The following PLXDC2 variants were observed in gnomAD, a reference collection of about 807,000 sequenced individuals.
PLXDC2 encodes plexin domain containing 2.
In PLXDC2, 40 loss-of-function variants were observed where a neutral mutation model predicts 68.9. The ratio of observed to expected loss-of-function variants is 0.58; its 90% CI spans 0.45 to 0.76. The LOEUF is 0.76. Ranked by LOEUF, PLXDC2 falls within the 30% of genes least tolerant of loss-of-function variation. The probability of loss-of-function intolerance (pLI) is 0.00; values close to 1 mark genes in which losing one functional copy is unlikely to be tolerated. For missense variants in PLXDC2, 644 were observed against 661.9 expected (o/e 0.97, Z 0.30); for synonymous variants, 243 against 234.2 (o/e 1.04, Z -0.34).
At chr10:19,976,825 A>AT (rs917617709) in intron 1 of PLXDC2, among the ~76,000 whole-genome samples, 36 of 121,568 alleles carry the variant, frequency 3.0e-4, no homozygotes, top group Middle Eastern at 4.8e-3. Context: ...ACTCTCTTTT[A>AT]TTTTTTTTTT....
At chr10:20,026,823 C>A (rs1314093364) in intron 2 of PLXDC2, among the ~76,000 whole-genome samples, 1 of 138,482 alleles carries the variant, frequency 7.2e-6, no homozygotes, top group Non-Finnish European at 1.5e-5. Flanking sequence ...ATAATATATT[C>A]TAATATATAG....
At chr10:20,116,303 A>C in intron 4 of PLXDC2, among the ~76,000 whole-genome samples, 1 of 152,188 alleles carries the variant, frequency 6.6e-6, no homozygotes, top group Non-Finnish European at 1.5e-5. Context: ...TGCACTTGGA[A>C]GGTCTTTTTC....
rs756809780 is a variant in PLXDC2, at chr10:20,217,560, C to G, written c.1257C>G (p.Thr419=). The change falls in exon 11 of 14, where the codon ACC becomes ACG. Residue 419 remains threonine (T), a synonymous_variant. Transcript: ENST00000377252. ...GAGCAGTGACTTCTCAGTTTCCCAC[C>G]AGCCTCCCTACAGAAGGTACCCAAG... ...TRRAVTSQFP[T]SLPTEDDTKI... is the part of the protein sequence containing the mutation. The G allele has an allele frequency of 6.2e-6, 10 of 1,606,892 alleles. No homozygotes were observed. The highest frequency in any genetic ancestry group is 8.5e-6 in the Non-Finnish European group (10 of 1,176,572).
Position 20,249,695 on chromosome 10 carries a change from T to C in PLXDC2, c.1473+4190T>C, listed in dbSNP as rs74119583. ...GAACCACATCTGCAAAGTTCCTTTT[T>C]ACCGTGTAAGGTAACATTGACACCT... On this transcript the variant is annotated intron_variant, in intron 13 of 13. Coordinates refer to ENST00000377252, the MANE Select transcript of PLXDC2 (RefSeq NM_032812.9). 4.7e-3 allele frequency among the ~76,000 whole-genome samples: 711 copies of C among 152,300 alleles called. 2 individuals are homozygous for C. The highest frequency in any genetic ancestry group is 0.016 in the African/African-American group (685 of 41,564).
Position 20,177,145 on chromosome 10 carries a change from A to G in PLXDC2, c.979+51A>G, listed in dbSNP as rs770642367. 5 of 1,448,026 alleles carry G rather than the reference A, an allele frequency of 3.5e-6. No homozygotes were observed. In the South Asian group the frequency reaches 5.7e-5, roughly 17 times the overall value. The allele number at this position is 1,448,026 out of a possible 1,614,324, so 89.7% of individuals were successfully genotyped here. ...GAAAACATGATTTCTAAATTTGATG[A>G]TCTGATCTGTTCAATAGTTATAATA... is the stretch of plus-strand genomic sequence containing the variant. On this transcript the variant is annotated intron_variant, in intron 8 of 13. Coordinates refer to ENST00000377252, the MANE Select transcript of PLXDC2 (RefSeq NM_032812.9).
intron 1 of PLXDC2, among the ~76,000 whole-genome samples, chr10:19,888,951 A>T (rs757762809): frequency 7.9e-5 from 12 of 152,170 alleles, no homozygotes; most frequent in Non-Finnish European, 1.8e-4. Flanking sequence ...ACTCTTATGA[A>T]CATTAATTAA....
chr10:19,949,803 T>G (rs529792301), intron 1 of PLXDC2, among the ~76,000 whole-genome samples: 2 of 152,306 alleles, frequency 1.3e-5, no homozygotes, highest in African/African-American at 4.8e-5. Flanking sequence ...TAGTAATGTG[T>G]GTGTCCTGTT....
At chr10:19,885,080 G>C (rs561243319) in intron 1 of PLXDC2, among the ~76,000 whole-genome samples, 38 of 152,230 alleles carry the variant, frequency 2.5e-4, no homozygotes, top group African/African-American at 7.9e-4. Flanking sequence ...TTGTGGTTTT[G>C]ATTTGCATTT....
intron 4 of PLXDC2, among the ~76,000 whole-genome samples, chr10:20,092,091 C>T (rs2131731404): frequency 6.6e-6 from 1 of 152,230 alleles, no homozygotes; most frequent in East Asian, 1.9e-4. Flanking sequence ...GGGAACTGAA[C>T]ATATGGACAA....
At chr10:19,875,926 A>G (rs1837621109) in intron 1 of PLXDC2, among the ~76,000 whole-genome samples, 1 of 152,156 alleles carries the variant, frequency 6.6e-6, no homozygotes, top group Non-Finnish European at 1.5e-5. Flanking sequence ...GATGTGTGCA[A>G]AAGCAGTCTA....
rs369631652 is a variant in PLXDC2, at chr10:20,286,175, C to G, written c.*6356C>G. On this transcript the variant is annotated 3_prime_UTR_variant, in exon 14 of 14. Coordinates refer to ENST00000377252, the MANE Select transcript of PLXDC2 (RefSeq NM_032812.9). ...AAATTTTGCCTGGAGGAGCAAAATG[C>G]TCAAAACTTGTTATTATAGGTTAAT... is the stretch of plus-strand genomic sequence containing the variant. The G allele has an allele frequency of 1.1e-4, 17 of 152,154 alleles. No individual in the cohort carries two copies. The highest frequency in any genetic ancestry group is 3.6e-4 in the African/African-American group (15 of 41,510). 9.4% of individuals were successfully genotyped at this position (152,154 alleles called of 1,614,324 possible).
chr10:20,131,214 T>C (rs1301354781), intron 4 of PLXDC2, among the ~76,000 whole-genome samples: 1 of 151,960 alleles, frequency 6.6e-6, no homozygotes, highest in Non-Finnish European at 1.5e-5. Flanking sequence ...TGGTTTCTTT[T>C]ATCCATATTT....
At chr10:19,839,019 G>C (rs442830) in intron 1 of PLXDC2, among the ~76,000 whole-genome samples, 46,244 of 151,570 alleles carry the variant, frequency 0.31, 7,419 homozygotes, top group East Asian at 0.57. Context: ...AACCCCGTCT[G>C]TAATAAAAAT....
At chr10:20,097,743 A>T (rs1168331695) in intron 4 of PLXDC2, among the ~76,000 whole-genome samples, 1 of 152,074 alleles carries the variant, frequency 6.6e-6, no homozygotes, top group Non-Finnish European at 1.5e-5. Flanking sequence ...CCACGGGAAG[A>T]TATGTTCAAA....
intron 12 of PLXDC2, among the ~76,000 whole-genome samples, chr10:20,237,301 A>G (rs978470998): frequency 5.3e-5 from 8 of 152,232 alleles, no homozygotes; most frequent in Non-Finnish European, 1.0e-4. Context: ...AATAGTTTCA[A>G]TCCACTCCAA....
intron 9 of PLXDC2, among the ~76,000 whole-genome samples, chr10:20,184,901 G>A (rs1229826640): frequency 1.3e-5 from 2 of 151,760 alleles, no homozygotes; most frequent in African/African-American, 4.8e-5. Flanking sequence ...CACAGGAACA[G>A]AAAACCAAAC....
intron 2 of PLXDC2, among the ~76,000 whole-genome samples, chr10:20,040,793 G>A (rs998494025): frequency 1.3e-5 from 2 of 152,112 alleles, no homozygotes; most frequent in African/African-American, 4.8e-5. Flanking sequence ...ACAATACTAT[G>A]TTTGAGGAAA....
Position 19,918,089 on chromosome 10 carries a change from A to G in PLXDC2, c.113-83686A>G, listed in dbSNP as rs866337332. On this transcript the variant is annotated intron_variant, in intron 1 of 13. Transcript: ENST00000377252. ...TAAGTTCCCACACTCCATTTCAGCC[A>G]TTGGATAATTTGTGTATGGTAGCCC... Among the ~76,000 whole-genome samples, 37 of 152,308 alleles carry G rather than the reference A, an allele frequency of 2.4e-4. 1 individual carries two copies. The highest frequency in any genetic ancestry group is 3.4e-3 in the Middle Eastern group (1 of 294).
At chr10:19,895,120 C>A (rs147238508) in intron 1 of PLXDC2, among the ~76,000 whole-genome samples, 2,180 of 152,232 alleles carry the variant, frequency 0.014, 47 homozygotes, top group African/African-American at 0.05. Context: ...AGTTCATGTC[C>A]TTTGCAGGGA....
Sources: gnomAD v4.1 joint callset for allele counts (sites outside exome capture counted in the v4.1 genomes callset) on GRCh38, gnomAD v4.1.1 for gene constraint, MANE v1.5 for transcripts, NCBI Gene and HGNC (gene_info 2026-07-23, HGNC 2026-07-21) for gene names.